The following LRFN5 variants were observed in gnomAD, a reference collection of about 807,000 sequenced individuals.
LRFN5 encodes the protein leucine-rich repeat and fibronectin type-III domain-containing protein 5.
A neutral mutation model predicts 45.6 loss-of-function variants in LRFN5; 24 were observed. That is an observed-to-expected ratio of 0.53 (90% confidence interval 0.38 to 0.74). The LOEUF is 0.74. Among genes scored for constraint, LRFN5 ranks in the 30% least tolerant of loss-of-function variants. The probability of loss-of-function intolerance (pLI) is 0.00; values close to 1 mark genes in which losing one functional copy is unlikely to be tolerated. For synonymous variants in LRFN5, 340 were observed against 313.8 expected (o/e 1.08, Z -0.88); for missense variants, 776 against 861.5 (o/e 0.90, Z 1.24).
chr14:41,764,155 G>T lies in LRFN5; in HGVS notation c.-196-2699G>T, dbSNP rs562791895. ...AAAAATAACACCTTACTTTAATATA[G>T]AATCCTTATGGATTTTTTTGAAAAT... On this transcript the variant is annotated intron_variant, in intron 1 of 5. Coordinates refer to ENST00000298119, the MANE Select transcript of LRFN5 (RefSeq NM_152447.5). Among the ~76,000 whole-genome samples, 6 of 152,132 alleles carry T rather than the reference G, an allele frequency of 3.9e-5. No individual in the cohort carries two copies. In the South Asian group the frequency reaches 6.2e-4, roughly 16 times the overall value.
intron 1 of LRFN5, among the ~76,000 whole-genome samples, chr14:41,629,129 GTTA>G (rs1186289541): frequency 1.3e-5 from 2 of 152,160 alleles, no homozygotes; most frequent in Non-Finnish European, 2.9e-5. Context: ...ACATTCTGCA[GTTA>G]TTTATAAGTT....
chr14:41,851,610 T>C (rs1394601530), intron 2 of LRFN5, among the ~76,000 whole-genome samples: 1 of 151,768 alleles, frequency 6.6e-6, no homozygotes, highest in Non-Finnish European at 1.5e-5. Context: ...CTTATGGTGG[T>C]TGTTTAATTT....
chr14:41,898,633 T>C (rs1047401873), intron 4 of LRFN5, among the ~76,000 whole-genome samples: 2 of 152,070 alleles, frequency 1.3e-5, no homozygotes, highest in Non-Finnish European at 2.9e-5. Flanking sequence ...CTGTCACGAA[T>C]ACCAAATGCA....
chr14:41,780,973 C>CT (rs1886460817), intron 2 of LRFN5, among the ~76,000 whole-genome samples: 1 of 152,028 alleles, frequency 6.6e-6, no homozygotes, highest in African/African-American at 2.4e-5. Context: ...TTTCCCATCC[C>CT]TTTTTATATT....
At chr14:41,636,908 A>G (rs1879333545) in intron 1 of LRFN5, among the ~76,000 whole-genome samples, 1 of 152,202 alleles carries the variant, frequency 6.6e-6, no homozygotes, top group Non-Finnish European at 1.5e-5. Context: ...CCCTAGAGGC[A>G]GACTGCCTTG....
chr14:41,764,366 A>T (rs1233713530), intron 1 of LRFN5, among the ~76,000 whole-genome samples: 2 of 152,162 alleles, frequency 1.3e-5, no homozygotes, highest in Non-Finnish European at 2.9e-5. Context: ...GAATTTTTTT[A>T]AGTTAACACA....
intron 1 of LRFN5, among the ~76,000 whole-genome samples, chr14:41,741,381 A>C (rs1280504587): frequency 6.6e-6 from 1 of 151,748 alleles, no homozygotes; most frequent in Non-Finnish European, 1.5e-5. Flanking sequence ...AAGAATAGAA[A>C]GCACAGAAGC....
intron 2 of LRFN5, among the ~76,000 whole-genome samples, chr14:41,780,948 A>G (rs1048110960): frequency 6.6e-6 from 1 of 152,166 alleles, no homozygotes; most frequent in African/African-American, 2.4e-5. Flanking sequence ...TAGCAACAGA[A>G]TGTTGCCAAT....
At chr14:41,620,251 C>T (rs1033713882) in intron 1 of LRFN5, among the ~76,000 whole-genome samples, 2 of 152,022 alleles carry the variant, frequency 1.3e-5, no homozygotes, top group African/African-American at 4.8e-5. Context: ...TCTACAGTAA[C>T]TAACTATTGT....
Position 41,608,092 on chromosome 14 carries a change from A to C in LRFN5, c.-667A>C, listed in dbSNP as rs761990431. ...TTGAAGGAAACGTGATTAAAGGGCT[A>C]TGCGAGAACGCTCTCTTTGCTGCCC... On this transcript the variant is annotated 5_prime_UTR_variant, in exon 1 of 6. The change abolishes an upstream ATG in the 5' untranslated region. Transcript: ENST00000298119. 1 of 152,254 alleles carries C rather than the reference A, an allele frequency of 6.6e-6. No individual in the cohort carries two copies. The highest frequency in any genetic ancestry group is 1.5e-5 in the Non-Finnish European group (1 of 68,090). 9.4% of individuals were successfully genotyped at this position (152,254 alleles called of 1,614,324 possible).
At chr14:41,633,515 A>G (rs2138583043) in intron 1 of LRFN5, among the ~76,000 whole-genome samples, 1 of 152,288 alleles carries the variant, frequency 6.6e-6, no homozygotes, top group African/African-American at 2.4e-5. Context: ...CTGGTTTAAC[A>G]TGGGCCAGTG....
chr14:41,897,808 AT>A (rs1269903307), intron 4 of LRFN5, among the ~76,000 whole-genome samples: 1 of 152,140 alleles, frequency 6.6e-6, no homozygotes, highest in Admixed American at 6.5e-5. Flanking sequence ...ATATTTTCAA[AT>A]TCATTAAGGA....
intron 1 of LRFN5, among the ~76,000 whole-genome samples, chr14:41,662,747 A>T (rs1474335736): frequency 6.6e-6 from 1 of 151,998 alleles, no homozygotes; most frequent in Non-Finnish European, 1.5e-5. Context: ...CTATGAAAAG[A>T]TCTTCAGGGA....
Position 41,764,439 on chromosome 14 carries a change from G to A in LRFN5, c.-196-2415G>A, listed in dbSNP as rs141193347. Among the ~76,000 whole-genome samples the A allele has an allele frequency of 3.0e-3, 451 of 152,186 alleles. 5 individuals are homozygous for A. The East Asian group carries it at 0.036, about 12-fold the overall frequency. ...AAGGTATGATTACAAAAAAGGAAAT[G>A]CTGTTCTCATTAGTAATGTGACCAT... On this transcript the variant is annotated intron_variant, in intron 1 of 5. Coordinates refer to ENST00000298119, the MANE Select transcript of LRFN5 (RefSeq NM_152447.5).
intron 2 of LRFN5, among the ~76,000 whole-genome samples, chr14:41,777,291 A>T (rs939351595): frequency 6.6e-6 from 1 of 151,612 alleles, no homozygotes; most frequent in Non-Finnish European, 1.5e-5. Context: ...GAGTAGAAAT[A>T]TTTTATTTTA....
intron 1 of LRFN5, among the ~76,000 whole-genome samples, chr14:41,738,644 T>A (rs12888407): frequency 6.6e-6 from 1 of 152,184 alleles, no homozygotes; most frequent in Non-Finnish European, 1.5e-5. Flanking sequence ...CCAGTGACAG[T>A]CTTTTCAAGA....
At chr14:41,760,046 A>G (rs1209859158) in intron 1 of LRFN5, among the ~76,000 whole-genome samples, 2 of 152,190 alleles carry the variant, frequency 1.3e-5, no homozygotes, top group African/African-American at 4.8e-5. Context: ...AGAAACTGTC[A>G]TTCGTACGAC....
At chr14:41,822,957 T>G (rs2139017087) in intron 2 of LRFN5, among the ~76,000 whole-genome samples, 1 of 151,572 alleles carries the variant, frequency 6.6e-6, no homozygotes, top group Admixed American at 6.6e-5. Context: ...CTATTATCAG[T>G]GTAGCTACTC....
chr14:41,695,076 CACA>C (rs942302402), intron 1 of LRFN5, among the ~76,000 whole-genome samples: 137 of 151,990 alleles, frequency 9.0e-4, no homozygotes, highest in African/African-American at 3.0e-3. Context: ...AATAAGAAAG[CACA>C]ACAACCATAT....
Sources: allele counts gnomAD v4.1 joint callset (sites outside exome capture counted in the v4.1 genomes callset), GRCh38; gene constraint gnomAD v4.1.1; transcripts MANE v1.5; gene names NCBI Gene and HGNC (gene_info 2026-07-23, HGNC 2026-07-21).